Variants in CMSS1 observed in about 807,000 individuals in gnomAD.
CMSS1 encodes cms1 ribosomal small subunit homolog.
A neutral mutation model predicts 43.5 loss-of-function variants in CMSS1; 33 were observed. The ratio of observed to expected loss-of-function variants is 0.76; its 90% confidence interval spans 0.57 to 1.01. CMSS1 has a LOEUF of 1.01. Ranked by LOEUF, CMSS1 falls within the 50% of genes least tolerant of loss-of-function variation. CMSS1 has a pLI of 0.00. For missense variants in CMSS1, 313 were observed against 326.4 expected (o/e 0.96, Z 0.32); for synonymous variants, 115 against 117.2 (o/e 0.98, Z 0.12).
chr3:100,130,829 C>G (rs1399166576), intron 1 of CMSS1, among the ~76,000 whole-genome samples: 1 of 152,162 alleles, frequency 6.6e-6, no homozygotes, highest in Non-Finnish European at 1.5e-5. Context: ...GAAGGAGCAT[C>G]AAGAAAGTGT....
chr3:100,144,552 C>A (rs1195338111), intron 1 of CMSS1, among the ~76,000 whole-genome samples: 1 of 152,062 alleles, frequency 6.6e-6, no homozygotes, highest in Non-Finnish European at 1.5e-5. Flanking sequence ...GGAGATGGAG[C>A]CTTCAGGGGT....
intron 1 of CMSS1, among the ~76,000 whole-genome samples, chr3:100,013,247 T>TTGTTGC (rs1333458419): frequency 6.6e-6 from 1 of 151,432 alleles, no homozygotes; most frequent in East Asian, 1.9e-4. Flanking sequence ...GTTGTTGTTG[T>TTGTTGC]TGTTGTTGTT....
At chr3:100,176,138 A>T (rs971498117) in intron 8 of CMSS1, 189 bp from the exon 9 acceptor site, 2 of 502,234 alleles carry the variant, frequency 4.0e-6, no homozygotes, top group Non-Finnish European at 7.1e-6. Context: ...TGAGATGATA[A>T]GAAGAGCAAG....
At chr3:100,077,408 A>C (rs2065866868) in intron 1 of CMSS1, among the ~76,000 whole-genome samples, 1 of 152,238 alleles carries the variant, frequency 6.6e-6, no homozygotes. Flanking sequence ...GTTTAAAAAT[A>C]AGAGTAGTTA....
intron 1 of CMSS1, among the ~76,000 whole-genome samples, chr3:99,894,397 C>T (rs1454074471): frequency 1.3e-5 from 2 of 152,114 alleles, no homozygotes; most frequent in Non-Finnish European, 2.9e-5. Context: ...ATTCACTGGC[C>T]CCATTAGCTT....
chr3:100,095,817 C>G (rs1559755982), intron 1 of CMSS1, among the ~76,000 whole-genome samples: 1 of 152,054 alleles, frequency 6.6e-6, no homozygotes, highest in Non-Finnish European at 1.5e-5. Flanking sequence ...AGGAAACAAT[C>G]AACAAAGTGA....
chr3:100,033,466 G>A (rs2065053910), intron 1 of CMSS1, among the ~76,000 whole-genome samples: 1 of 152,122 alleles, frequency 6.6e-6, no homozygotes, highest in Non-Finnish European at 1.5e-5. Flanking sequence ...TGAAGGTCTT[G>A]ACTAATGTTT....
rs1445320954 is a variant in CMSS1 at position 100,011,207 on chromosome 3, C to T, written c.65-135766C>T. ...GTAAGAAGGATGTCTATATTTGATA[C>T]ACTTTCTGTAAAAGTGAGGTAGGTT... On this transcript the variant is annotated intron_variant, in intron 1 of 9. Transcript: ENST00000421999. Among the ~76,000 whole-genome samples, 4 of 152,134 alleles carry T rather than the reference C, an allele frequency of 2.6e-5. No homozygotes were observed. The East Asian group carries it at 5.8e-4, about 22-fold the overall frequency.
chr3:99,934,324 C>G (rs1324386861), intron 1 of CMSS1, among the ~76,000 whole-genome samples: 1 of 152,212 alleles, frequency 6.6e-6, no homozygotes, highest in African/African-American at 2.4e-5. Flanking sequence ...CCCACAGATT[C>G]AGATTTCTGT....
In CMSS1 at chr3:100,166,460, G is replaced by A. The variant is rs572193935; in HGVS notation, c.415+66G>A. The stretch of plus-strand genomic sequence containing the variant: ...ATTTTGCTCTGGTTTTGGGAATTTA[G>A]GTTTTGGTCTCGTTTTTGTTTTATA... On this transcript the variant is annotated intron_variant, in intron 5 of 9. Coordinates refer to ENST00000421999, the MANE Select transcript of CMSS1 (RefSeq NM_032359.4). 1,607 of 1,112,252 alleles carry A rather than the reference G, an allele frequency of 1.4e-3. 7 individuals are homozygous for A. Among genetic ancestry groups the A allele is most frequent in the Admixed American group, 2.1e-3 (114 of 55,358 alleles). The allele number at this position is 1,112,252 out of a possible 1,614,324, so 68.9% of individuals were successfully genotyped here.
At chr3:99,912,593 G>T (rs1256662167) in intron 1 of CMSS1, among the ~76,000 whole-genome samples, 3 of 152,112 alleles carry the variant, frequency 2.0e-5, no homozygotes, top group Non-Finnish European at 2.9e-5. Context: ...GCCCAGGCTG[G>T]TCTCAAACTC....
intron 1 of CMSS1, among the ~76,000 whole-genome samples, chr3:99,825,775 C>CTTTTTTTTTTTTTTTTT (rs897686337): frequency 8.2e-6 from 1 of 121,612 alleles, no homozygotes; most frequent in African/African-American, 3.1e-5. Context: ...TTTTCTTTTT[C>CTTTTTTTTTTTTTTTTT]TTTTTTTTTT....
chr3:100,000,073 C>T (rs573741845), intron 1 of CMSS1, among the ~76,000 whole-genome samples: 8 of 152,218 alleles, frequency 5.3e-5, no homozygotes, highest in South Asian at 2.1e-4. Context: ...TTTTTGAAAG[C>T]GCCCAAGTTG....
intron 1 of CMSS1, among the ~76,000 whole-genome samples, chr3:100,100,239 G>A (rs1201663773): frequency 3.3e-5 from 5 of 152,160 alleles, no homozygotes; most frequent in Admixed American, 6.5e-5. Context: ...TGTACATCCT[G>A]AGGAAAGGGT....
chr3:100,073,251 A>T (rs753182088), intron 1 of CMSS1, among the ~76,000 whole-genome samples: 1 of 152,136 alleles, frequency 6.6e-6, no homozygotes, highest in Non-Finnish European at 1.5e-5. Flanking sequence ...TCATTTATTT[A>T]TATATTATCT....
chr3:99,884,886 CTA>C (rs1050788036), intron 1 of CMSS1, among the ~76,000 whole-genome samples: 22 of 152,174 alleles, frequency 1.4e-4, no homozygotes, highest in African/African-American at 5.3e-4. Context: ...TGTCCAGAAA[CTA>C]TTTTTTTCCT....
chr3:99,983,446 GTATATATATATATGTGTGTA>G (rs1559713580), intron 1 of CMSS1, among the ~76,000 whole-genome samples: 6 of 87,808 alleles, frequency 6.8e-5, no homozygotes, highest in African/African-American at 2.2e-4. Context: ...ATATATGTAT[GTATATATATATATGTGTGTA>G]TATATATATA....
At chr3:99,835,625 C>A (rs1942865620) in intron 1 of CMSS1, among the ~76,000 whole-genome samples, 1 of 152,170 alleles carries the variant, frequency 6.6e-6, no homozygotes, top group African/African-American at 2.4e-5. Context: ...TGAAACTCTG[C>A]AAAGTCATAT....
chr3:100,099,536 T>C (rs1234569387), intron 1 of CMSS1, among the ~76,000 whole-genome samples: 1 of 152,180 alleles, frequency 6.6e-6, no homozygotes, highest in Non-Finnish European at 1.5e-5. Flanking sequence ...GGTCTAATTA[T>C]GTATCCTTAA....
Sources: gnomAD v4.1 joint callset for allele counts (sites outside exome capture counted in the v4.1 genomes callset) on GRCh38, gnomAD v4.1.1 for gene constraint, MANE v1.5 for transcripts, NCBI Gene and HGNC (gene_info 2026-07-23, HGNC 2026-07-21) for gene names.